The following ZNF385D variants were observed in gnomAD, a reference collection of about 807,000 sequenced individuals.
ZNF385D encodes the protein zinc finger protein 659.
In ZNF385D, 15 loss-of-function variants were observed where a neutral mutation model predicts 35.8. The observed-to-expected ratio is 0.42, with a 90% CI of 0.28 to 0.64. ZNF385D has a LOEUF of 0.64. ZNF385D is among the 30% of genes least tolerant of loss of function. ZNF385D has a pLI of 0.23. For synonymous variants in ZNF385D, 212 were observed against 186.8 expected (o/e 1.13, Z -1.10); for missense variants, 474 against 494.6 (o/e 0.96, Z 0.39).
chr3:22,342,303 A>AAAAAC (rs1695462570), intron 2 of ZNF385D, among the ~76,000 whole-genome samples: 1 of 145,122 alleles, frequency 6.9e-6, no homozygotes, highest in Non-Finnish European at 1.5e-5. Context: ...AAAAAAAAAG[A>AAAAAC]CTGAATGAAT....
chr3:21,725,313 G>C (rs1293365577), intron 1 of ZNF385D, among the ~76,000 whole-genome samples: 1 of 152,044 alleles, frequency 6.6e-6, no homozygotes, highest in Non-Finnish European at 1.5e-5. Context: ...GCCAGCAGAA[G>C]GCAAGAAATA....
At chr3:21,790,056 G>A (rs982392069) in intron 3 of ZNF385D, among the ~76,000 whole-genome samples, 1 of 152,122 alleles carries the variant, frequency 6.6e-6, no homozygotes, top group Non-Finnish European at 1.5e-5. Flanking sequence ...AAGATGTAGA[G>A]CATAGCACAT....
chr3:21,950,940 T>C (rs1044909208), intron 3 of ZNF385D, among the ~76,000 whole-genome samples: 3 of 151,792 alleles, frequency 2.0e-5, no homozygotes, highest in African/African-American at 7.3e-5. Flanking sequence ...GCTGTTTTGG[T>C]TACTGTAGCC....
At position 22,180,185 on chromosome 3, in the gene ZNF385D, G is replaced by C. The variant is rs538860641; in HGVS notation, c.107-11150C>G. 2.6e-5 allele frequency among the ~76,000 whole-genome samples: 4 copies of C among 152,286 alleles called. No individual in the cohort carries two copies. The East Asian group carries it at 7.7e-4, about 29-fold the overall frequency. On this transcript the variant is annotated intron_variant, in intron 2 of 5. Coordinates refer to the ZNF385D transcript ENST00000494108. ...TCTATGCAAGTAAACTAGAAATCTGGAAGAAATGGATAAATTCCTCGACAC... is the reference window on the plus strand; with the variant it reads ...TCTATGCAAGTAAACTAGAAATCTGCAAGAAATGGATAAATTCCTCGACAC...
chr3:21,931,116 G>T, intron 3 of ZNF385D, among the ~76,000 whole-genome samples: 1 of 152,024 alleles, frequency 6.6e-6, no homozygotes, highest in Middle Eastern at 3.4e-3. Flanking sequence ...ATAATAAAAA[G>T]ACAAATAAAA....
chr3:21,768,380 T>G (rs1307785735), intron 3 of ZNF385D, among the ~76,000 whole-genome samples: 3 of 151,796 alleles, frequency 2.0e-5, no homozygotes, highest in Non-Finnish European at 4.4e-5. Context: ...AGTAGCAGAG[T>G]AGAAAGCACC....
At chr3:21,974,147 G>C (rs1239991964) in intron 3 of ZNF385D, among the ~76,000 whole-genome samples, 1 of 151,892 alleles carries the variant, frequency 6.6e-6, no homozygotes, top group Non-Finnish European at 1.5e-5. Context: ...CAAAACTTGA[G>C]GAATCACATT....
chr3:21,979,982 T>C (rs1395601761), intron 3 of ZNF385D, among the ~76,000 whole-genome samples: 2 of 152,182 alleles, frequency 1.3e-5, no homozygotes, highest in African/African-American at 2.4e-5. Flanking sequence ...TTTCAAAATA[T>C]GGTAGGAGTG....
At chr3:21,443,399 C>A in intron 4 of ZNF385D, 1 of 970,292 alleles carries the variant, frequency 1.0e-6, no homozygotes, top group Non-Finnish European at 1.2e-6. Context: ...TTTGTATGCT[C>A]GGTCCTGAAA....
intron 3 of ZNF385D, among the ~76,000 whole-genome samples, chr3:21,863,905 A>G (rs1023358353): frequency 6.6e-6 from 1 of 152,140 alleles, no homozygotes; most frequent in Non-Finnish European, 1.5e-5. Context: ...TGCGCACATG[A>G]ATCACCAGGA....
chr3:22,132,605 C>A (rs1322112280), intron 3 of ZNF385D, among the ~76,000 whole-genome samples: 2 of 151,994 alleles, frequency 1.3e-5, no homozygotes, highest in African/African-American at 4.8e-5. Context: ...CAATGTTTCA[C>A]TGAATTCATT....
At chr3:21,759,114 C>G (rs2070486547) in intron 3 of ZNF385D, among the ~76,000 whole-genome samples, 1 of 149,766 alleles carries the variant, frequency 6.7e-6, no homozygotes, top group Non-Finnish European at 1.5e-5. Context: ...AGCATATATC[C>G]AAAAATATAA....
intron 2 of ZNF385D, among the ~76,000 whole-genome samples, chr3:21,613,999 A>T (rs2064767177): frequency 6.6e-6 from 1 of 152,176 alleles, no homozygotes; most frequent in Non-Finnish European, 1.5e-5. Flanking sequence ...GCCTGAAGTG[A>T]GACTCATTTA....
At chr3:22,260,005 A>G (rs1017685993) in intron 2 of ZNF385D, among the ~76,000 whole-genome samples, 1 of 152,026 alleles carries the variant, frequency 6.6e-6, no homozygotes, top group African/African-American at 2.4e-5. Context: ...CAAAACAGGG[A>G]AACTGAATGT....
chr3:22,319,299 A>G (rs1346329519), intron 2 of ZNF385D, among the ~76,000 whole-genome samples: 1 of 152,038 alleles, frequency 6.6e-6, no homozygotes, highest in Non-Finnish European at 1.5e-5. Flanking sequence ...ATGGATAGTG[A>G]TGTTTTAAAA....
At chr3:22,032,803 G>A (rs140160221) in intron 3 of ZNF385D, among the ~76,000 whole-genome samples, 3 of 152,114 alleles carry the variant, frequency 2.0e-5, no homozygotes, top group Non-Finnish European at 2.9e-5. Context: ...GCTTTGGACT[G>A]ATTTGCATGC....
rs1703123909 is a variant in ZNF385D, at chr3:22,122,187, C to T, written c.325+46630G>A. ...CTTGGGTAAAAATCTGACTGCTTCC[C>T]CTTTACTAGTTTTAGTTAATAAGTT... On this transcript the variant is annotated intron_variant, in intron 3 of 5. Transcript: ENST00000494108. Among the ~76,000 whole-genome samples, 3 of 152,154 alleles carry T rather than the reference C, an allele frequency of 2.0e-5. No individual in the cohort carries two copies. In the South Asian group the frequency reaches 6.2e-4, roughly 32 times the overall value.
At chr3:22,234,829 C>G (rs1051994614) in intron 2 of ZNF385D, among the ~76,000 whole-genome samples, 5 of 151,902 alleles carry the variant, frequency 3.3e-5, no homozygotes, top group African/African-American at 7.3e-5. Flanking sequence ...ATTGTGAATG[C>G]TCAATAAAAT....
chr3:21,630,551 AC>A lies in ZNF385D; in HGVS notation c.165+34334del, dbSNP rs532806269. 2.6e-5 allele frequency among the ~76,000 whole-genome samples: 4 copies of A among 151,728 alleles called. No homozygotes were observed. The South Asian group carries it at 6.3e-4, about 24-fold the overall frequency. ...AAAATCGTAACTGCACTTCTGAAACACCCCCCATTTCCCAGCACCATTAACA... is the reference window on the plus strand; with the variant it reads ...AAAATCGTAACTGCACTTCTGAAACACCCCCATTTCCCAGCACCATTAACA... On this transcript the variant is annotated intron_variant, in intron 2 of 7. Transcript: ENST00000281523.
Sources: allele counts gnomAD v4.1 joint callset (sites outside exome capture counted in the v4.1 genomes callset), GRCh38; gene constraint gnomAD v4.1.1; transcripts MANE v1.5; gene names NCBI Gene and HGNC (gene_info 2026-07-23, HGNC 2026-07-21).